Variants in SLIT3 observed in about 807,000 individuals in gnomAD.
SLIT3 encodes the protein slit guidance ligand 3, also known as slit homolog 3 protein.
SLIT3 carries 68 observed loss-of-function variants against 184.0 expected under a neutral mutation model. That is an observed-to-expected ratio of 0.37 (90% CI 0.30 to 0.45). The LOEUF (loss-of-function observed/expected upper bound fraction) is 0.45, where lower values mean the gene tolerates loss of function less well. SLIT3 is among the 20% of genes least tolerant of loss of function. SLIT3 has a pLI of 1.00. For synonymous variants in SLIT3, 831 were observed against 828.6 expected (o/e 1.00, Z -0.05); for missense variants, 1,707 against 2,026.0 (o/e 0.84, Z 3.02).
intron 14 of SLIT3, among the ~76,000 whole-genome samples, chr5:168,769,160 A>G (rs559640135): frequency 5.9e-5 from 9 of 152,294 alleles, no homozygotes; most frequent in African/African-American, 1.9e-4. Context: ...GCTGGAAATT[A>G]TGGGAGCGAA....
chr5:168,748,530 T>C, intron 19 of SLIT3, 96 bp from the exon 20 acceptor site: 1 of 1,196,550 alleles, frequency 8.4e-7, no homozygotes, highest in Non-Finnish European at 1.1e-6. Context: ...AAAGACAAGT[T>C]GTCCCCTGTC....
Position 169,300,876 on chromosome 5 carries a change from G to A in SLIT3, c.-167C>T, listed in dbSNP as rs1767664238. ...GCGCACGGGGCGCGGGCGGAGCGGGGCGCTCCGGGCGGCGGCGGCGGCAGC... is the reference window on the plus strand; with the variant it reads ...GCGCACGGGGCGCGGGCGGAGCGGGACGCTCCGGGCGGCGGCGGCGGCAGC... On this transcript the variant is annotated 5_prime_UTR_variant, in exon 1 of 36. Coordinates refer to ENST00000519560, the MANE Select transcript of SLIT3 (RefSeq NM_003062.4). The surrounding 1 kb of genome is among the most constrained non-coding windows in gnomAD (Gnocchi z 4.1). The A allele has an allele frequency of 9.8e-6, 5 of 509,676 alleles. No individual in the cohort carries two copies. The South Asian group carries it at 3.6e-4, about 37-fold the overall frequency. 31.6% of individuals were successfully genotyped at this position (509,676 alleles called of 1,614,324 possible).
At chr5:169,096,275 T>C (rs1167555147) in intron 4 of SLIT3, among the ~76,000 whole-genome samples, 1 of 152,230 alleles carries the variant, frequency 6.6e-6, no homozygotes, top group African/African-American at 2.4e-5. Context: ...TTTCCAGCTA[T>C]TTGAGAGTAA....
intron 3 of SLIT3, among the ~76,000 whole-genome samples, chr5:169,201,779 C>T (rs1282943834): frequency 6.6e-6 from 1 of 152,202 alleles, no homozygotes; most frequent in Admixed American, 6.5e-5. Context: ...ACTCCCTTGA[C>T]CCAGCAGTGA....
intron 5 of SLIT3, among the ~76,000 whole-genome samples, chr5:168,871,237 G>A (rs1759507618): frequency 6.6e-6 from 1 of 152,098 alleles, no homozygotes; most frequent in South Asian, 2.1e-4. Context: ...TGATTACATT[G>A]GATCCCCTCA....
At chr5:169,142,000 A>G (rs1329322859) in intron 4 of SLIT3, among the ~76,000 whole-genome samples, 1 of 151,592 alleles carries the variant, frequency 6.6e-6, no homozygotes, top group African/African-American at 2.4e-5. Flanking sequence ...CAGTGAGCCA[A>G]GATCGCACCA....
At chr5:169,181,720 G>A (rs558594904) in intron 4 of SLIT3, among the ~76,000 whole-genome samples, 134 of 142,900 alleles carry the variant, frequency 9.4e-4, no homozygotes, top group Middle Eastern at 3.7e-3. Flanking sequence ...CCAGCCTGGC[G>A]ACAGAGCGAG....
At chr5:168,686,079 C>A (rs1331795613) in intron 30 of SLIT3, 152 bp from the exon 31 acceptor site, 2 of 863,080 alleles carry the variant, frequency 2.3e-6, no homozygotes, top group South Asian at 5.0e-5. Flanking sequence ...TGCCACTAAC[C>A]GGGGCAAGAC....
At chr5:168,753,833 T>C in intron 17 of SLIT3, 31 bp downstream of exon 17, 2 of 1,603,064 alleles carry the variant, frequency 1.2e-6, no homozygotes, top group Non-Finnish European at 1.7e-6. Context: ...TCCCTCTGGG[T>C]CTTGGCCCAG....
intron 4 of SLIT3, among the ~76,000 whole-genome samples, chr5:169,091,797 C>T (rs777692072): frequency 6.6e-6 from 1 of 152,152 alleles, no homozygotes; most frequent in African/African-American, 2.4e-5. Flanking sequence ...CAGTTATCAC[C>T]CAGTGCTCTG....
chr5:169,014,618 G>A (rs1162276579), intron 4 of SLIT3, among the ~76,000 whole-genome samples: 1 of 152,200 alleles, frequency 6.6e-6, no homozygotes, highest in Non-Finnish European at 1.5e-5. Context: ...AGGAAAATAG[G>A]GCAGAGAAGG....
chr5:168,762,555 C>T lies in SLIT3; in HGVS notation c.1594G>A (p.Glu532Lys), dbSNP rs1755194452. ...KLVRIPSHLP[E>K]YVTDLRLNDN... is the part of the protein sequence containing the mutation. The stretch of plus-strand genomic sequence containing the variant: ...TGGACTTACAGGTCGGTGACATATT[C>T]AGGGAGGTGGCTTGGGATGCGGACC... Residue 532 changes from glutamate to lysine, a missense_variant, in exon 15 of 36, where the codon GAA (glutamate) becomes AAA (lysine). This residue lies in a region of SLIT3 where 1,307 missense variants were observed against 1,511.6 expected (regional missense o/e 0.86). Transcript: ENST00000519560. 1.2e-6 allele frequency: 2 copies of T among 1,613,818 alleles called. No individual in the cohort carries two copies. The highest frequency in any genetic ancestry group is 1.1e-5 in the South Asian group (1 of 91,080).
chr5:168,755,389 A>ATTTCTTTCTTTCTTTCTTTTC (rs1754861173), intron 16 of SLIT3, among the ~76,000 whole-genome samples: 3 of 133,774 alleles, frequency 2.2e-5, no homozygotes, highest in African/African-American at 2.6e-5. Context: ...CAGTGCCGCC[A>ATTTCTTTCTTTCTTTCTTTTC]TTTCTTTCTT....
At chr5:168,869,415 C>T (rs937642764) in intron 5 of SLIT3, among the ~76,000 whole-genome samples, 1 of 152,084 alleles carries the variant, frequency 6.6e-6, no homozygotes, top group Non-Finnish European at 1.5e-5. Context: ...ACTAGGTTGT[C>T]ACAAGGATTA....
intron 1 of SLIT3, among the ~76,000 whole-genome samples, chr5:169,259,026 A>G (rs1171085733): frequency 6.6e-6 from 1 of 152,226 alleles, no homozygotes; most frequent in East Asian, 1.9e-4. Flanking sequence ...TTTGTAAAAC[A>G]TGACCCAAAA....
In SLIT3 at chr5:169,281,433, G is replaced by A. The variant is rs191198564; in HGVS notation, c.197+19080C>T. On this transcript the variant is annotated intron_variant, in intron 1 of 35. Transcript: ENST00000519560. ...AGAGGTTGCAGTAGGCCGAGATGGC[G>A]CCACTGCACTCCAGCATGGCAACAG... Among the ~76,000 whole-genome samples, 108 of 152,274 alleles carry A rather than the reference G, an allele frequency of 7.1e-4. 1 individual carries two copies. The highest frequency in any genetic ancestry group is 1.0e-3 in the Non-Finnish European group (68 of 68,022).
intron 4 of SLIT3, among the ~76,000 whole-genome samples, chr5:169,069,955 A>G (rs1307449550): frequency 6.6e-6 from 1 of 152,194 alleles, no homozygotes; most frequent in Non-Finnish European, 1.5e-5. Context: ...AGGTTTCAGA[A>G]AGGTTACTCC....
Position 168,762,532 on chromosome 5 carries a change from G to A in SLIT3, c.1610+7C>T. 1.2e-6 allele frequency: 2 copies of A among 1,611,272 alleles called. No homozygotes were observed. The highest frequency in any genetic ancestry group is 1.7e-6 in the Non-Finnish European group (2 of 1,177,590). On this transcript the variant is annotated splice_region_variant and intron_variant, in intron 15 of 35. Transcript: ENST00000519560. ...GAGTAGGGAGTTCACGCCGAGGTTG[G>A]ACTTACAGGTCGGTGACATATTCAG...
chr5:168,692,965 C>T (rs1761951495), intron 28 of SLIT3, among the ~76,000 whole-genome samples: 1 of 152,206 alleles, frequency 6.6e-6, no homozygotes, highest in African/African-American at 2.4e-5. Context: ...GGCTGTTTTA[C>T]TTGATCTTTC....
Sources: allele counts gnomAD v4.1 joint callset (sites outside exome capture counted in the v4.1 genomes callset), GRCh38; gene constraint gnomAD v4.1.1; regional missense constraint gnomAD v4.1.1; non-coding constraint Gnocchi (gnomAD v3.1); transcripts MANE v1.5; gene names NCBI Gene and HGNC (gene_info 2026-07-23, HGNC 2026-07-21).